EXOC5: variants seen among roughly 807,000 people sequenced by gnomAD.
EXOC5 encodes exocyst complex component 5, also known as SEC10-like 1.
EXOC5 carries 17 observed loss-of-function variants against 90.8 expected under a neutral mutation model. That is an observed-to-expected ratio of 0.19 (90% CI 0.13 to 0.28). The LOEUF is 0.28. Ranked by LOEUF, EXOC5 falls within the 10% of genes least tolerant of loss-of-function variation. The pLI is 1.00. For missense variants in EXOC5, 569 were observed against 830.6 expected (o/e 0.69, Z 3.87); for synonymous variants, 260 against 270.0 (o/e 0.96, Z 0.36).
rs1054834683 is a variant in EXOC5 at position 57,205,106 on chromosome 14, T to G, written c.*3503A>C. The G allele has an allele frequency of 2.0e-5, 3 of 152,036 alleles. No individual in the cohort carries two copies. The highest frequency in any genetic ancestry group is 2.0e-4 in the Admixed American group (3 of 15,252). 9.4% of individuals were successfully genotyped at this position (152,036 alleles called of 1,614,324 possible). ...AATAATAGTACCCAAATCCTAGGGT[T>G]GCTCTAGAATCCAATAATATGTGCA... is the stretch of plus-strand genomic sequence containing the variant. On this transcript the variant is annotated 3_prime_UTR_variant, in exon 18 of 18. Coordinates refer to ENST00000621441, the MANE Select transcript of EXOC5 (RefSeq NM_006544.4).
chr14:57,223,770 T>C (rs922710439), intron 12 of EXOC5, among the ~76,000 whole-genome samples: 1 of 152,070 alleles, frequency 6.6e-6, no homozygotes, highest in South Asian at 2.1e-4. Flanking sequence ...TATATATTTT[T>C]TTCAAGTGCA....
At chr14:57,220,139 G>A (rs1467476326) in intron 13 of EXOC5, among the ~76,000 whole-genome samples, 1 of 151,882 alleles carries the variant, frequency 6.6e-6, no homozygotes, top group Admixed American at 6.6e-5. Context: ...TTGACACATA[G>A]AGTTCTTTTT....
intron 3 of EXOC5, among the ~76,000 whole-genome samples, chr14:57,245,702 T>C (rs1884012653): frequency 6.6e-6 from 1 of 152,054 alleles, no homozygotes; most frequent in Non-Finnish European, 1.5e-5. Context: ...TCCCTAACAC[T>C]AAAGAACTAA....
At position 57,268,757 on chromosome 14, in the gene EXOC5, C is replaced by T. The variant is rs1049414321; in HGVS notation, c.-109G>A. ...CCGCTCGGCTCGCCAGCTCCGGCTC[C>T]GGGCCGCTGCGGGCTCCCCAGCTCC... On this transcript the variant is annotated 5_prime_UTR_variant, in exon 1 of 18. Coordinates refer to ENST00000621441, the MANE Select transcript of EXOC5 (RefSeq NM_006544.4). 32 of 1,463,710 alleles carry T rather than the reference C, an allele frequency of 2.2e-5. No homozygotes were observed. The African/African-American group carries it at 2.8e-4, about 13-fold the overall frequency. 90.7% of individuals were successfully genotyped at this position (1,463,710 alleles called of 1,614,324 possible).
At chr14:57,220,588 C>G (rs1219730762) in intron 13 of EXOC5, among the ~76,000 whole-genome samples, 2 of 151,900 alleles carry the variant, frequency 1.3e-5, no homozygotes, top group South Asian at 2.1e-4. Flanking sequence ...TCGCTTGGAG[C>G]CAAGAGTTCA....
chr14:57,259,007 T>G (rs1884424906), intron 1 of EXOC5, among the ~76,000 whole-genome samples: 1 of 152,188 alleles, frequency 6.6e-6, no homozygotes, highest in South Asian at 2.1e-4. Context: ...TTTCCTTAAA[T>G]TTATTATGGA....
In EXOC5 at chr14:57,207,641, TAA is replaced by T. The variant is rs1882698314; in HGVS notation, c.*966_*967del. 1 of 152,082 alleles carries T rather than the reference TAA, an allele frequency of 6.6e-6. No individual in the cohort carries two copies. Among genetic ancestry groups the T allele is most frequent in the African/African-American group, 2.4e-5 (1 of 41,440 alleles). The allele number at this position is 152,082 out of a possible 1,614,324, so 9.4% of individuals were successfully genotyped here. On this transcript the variant is annotated 3_prime_UTR_variant, in exon 18 of 18. Coordinates refer to ENST00000621441, the MANE Select transcript of EXOC5 (RefSeq NM_006544.4). ...TATCAATTCTCAATTCTTCTTAAAA[TAA>T]AAGACTAACCACATGTTCAGCCATT...
At chr14:57,256,562 T>C (rs1884354895) in intron 1 of EXOC5, among the ~76,000 whole-genome samples, 1 of 152,120 alleles carries the variant, frequency 6.6e-6, no homozygotes, top group Non-Finnish European at 1.5e-5. Context: ...CAAATGTATA[T>C]GAAGAAGTAA....
At position 57,244,354 on chromosome 14, in the gene EXOC5, G is replaced by A; in HGVS notation, c.276C>T (p.Ala92=). 1 of 1,612,170 alleles carries A rather than the reference G, an allele frequency of 6.2e-7. No individual in the cohort carries two copies. The highest frequency in any genetic ancestry group is 8.5e-7 in the Non-Finnish European group (1 of 1,178,768). Residue 92 remains alanine, a synonymous_variant, in exon 4 of 18, where the codon GCC becomes GCT. Transcript: ENST00000621441. ...VQELQKSNQV[A]FQHFQELDEH... is the part of the protein sequence containing the mutation. ...CATCTAGTTCTTGGAAATGTTGGAAGGCAACCTAGGAAAAATGTGCATAAG... is the reference window on the plus strand; with the variant it reads ...CATCTAGTTCTTGGAAATGTTGGAAAGCAACCTAGGAAAAATGTGCATAAG...
intron 1 of EXOC5, among the ~76,000 whole-genome samples, chr14:57,265,132 C>G (rs1196955156): frequency 2.0e-5 from 3 of 151,244 alleles, no homozygotes; most frequent in Non-Finnish European, 2.9e-5. Context: ...GTCACTGAAC[C>G]CTTTTTTTTT....
At chr14:57,262,452 T>A (rs1248148520) in intron 1 of EXOC5, among the ~76,000 whole-genome samples, 1 of 151,880 alleles carries the variant, frequency 6.6e-6, no homozygotes, top group East Asian at 1.9e-4. Context: ...CTGTGATCTC[T>A]TTCTGAGTTA....
chr14:57,228,376 A>G (rs1883375943), intron 12 of EXOC5, among the ~76,000 whole-genome samples: 2 of 152,210 alleles, frequency 1.3e-5, no homozygotes, highest in Non-Finnish European at 2.9e-5. Flanking sequence ...AGGATTACAA[A>G]TCATTCTACT....
chr14:57,251,515 CAT>C (rs368038842), intron 1 of EXOC5, among the ~76,000 whole-genome samples: 1 of 152,148 alleles, frequency 6.6e-6, no homozygotes, highest in East Asian at 1.9e-4. Context: ...CATACAAAAA[CAT>C]AGGACACAGT....
rs1157809638 is a variant in EXOC5 at position 57,202,798 on chromosome 14, G to T, written c.*5811C>A. On this transcript the variant is annotated 3_prime_UTR_variant, in exon 18 of 18. Coordinates refer to ENST00000621441, the MANE Select transcript of EXOC5 (RefSeq NM_006544.4). ...CACATGCACACACACACATAATTGGGATAGCAAAATGTTCATAGATGCTGT... is the reference window on the plus strand; with the variant it reads ...CACATGCACACACACACATAATTGGTATAGCAAAATGTTCATAGATGCTGT... 1 of 152,124 alleles carries T rather than the reference G, an allele frequency of 6.6e-6. No individual in the cohort carries two copies. Among genetic ancestry groups the T allele is most frequent in the Non-Finnish European group, 1.5e-5 (1 of 68,008 alleles). 9.4% of individuals were successfully genotyped at this position (152,124 alleles called of 1,614,324 possible).
chr14:57,215,208 G>A (rs867162554), intron 15 of EXOC5, among the ~76,000 whole-genome samples: 8 of 151,862 alleles, frequency 5.3e-5, no homozygotes, highest in African/African-American at 1.5e-4. Flanking sequence ...CTCCAGCCTG[G>A]GCAACAGAGG....
At chr14:57,261,259 T>C (rs1464583718) in intron 1 of EXOC5, among the ~76,000 whole-genome samples, 1 of 152,216 alleles carries the variant, frequency 6.6e-6, no homozygotes, top group Non-Finnish European at 1.5e-5. Context: ...TCAATCACTC[T>C]TTCAAATCTC....
chr14:57,213,655 C>T (rs1255004151), intron 15 of EXOC5, among the ~76,000 whole-genome samples: 3 of 151,714 alleles, frequency 2.0e-5, no homozygotes, highest in Non-Finnish European at 4.4e-5. Context: ...CTGTGCCTGG[C>T]CACAAAAAAA....
At position 57,232,659 on chromosome 14, in the gene EXOC5, A is replaced by T; in HGVS notation, c.938+8T>A. The stretch of plus-strand genomic sequence containing the variant: ...TTATCTATTATTTTCTAATCATTAA[A>T]AATTTACCTTGTATACAGATCATAG... On this transcript the variant is annotated splice_region_variant and intron_variant, in intron 10 of 17. Transcript: ENST00000621441. The T allele has an allele frequency of 1.6e-6, 2 of 1,244,836 alleles. No homozygotes were observed. The highest frequency in any genetic ancestry group is 2.3e-6 in the Non-Finnish European group (2 of 887,302). 77.1% of individuals were successfully genotyped at this position (1,244,836 alleles called of 1,614,324 possible).
rs117870712 is a variant in EXOC5, at chr14:57,206,183, G to A, written c.*2426C>T. 6.6e-6 allele frequency: 2 copies of A among 302,952 alleles called. No homozygotes were observed. The highest frequency in any genetic ancestry group is 6.0e-5 in the South Asian group (2 of 33,532). The allele number at this position is 302,952 out of a possible 1,614,324, so 18.8% of individuals were successfully genotyped here. On this transcript the variant is annotated 3_prime_UTR_variant, in exon 18 of 18. Transcript: ENST00000621441. ...GTAATACTGCAAAGACCGTACTTACGTAAATGTTGGTTAAAGTTACCAATT... is the reference window on the plus strand; with the variant it reads ...GTAATACTGCAAAGACCGTACTTACATAAATGTTGGTTAAAGTTACCAATT...
Sources: gnomAD v4.1 joint callset for allele counts (sites outside exome capture counted in the v4.1 genomes callset) on GRCh38, gnomAD v4.1.1 for gene constraint, MANE v1.5 for transcripts, NCBI Gene and HGNC (gene_info 2026-07-23, HGNC 2026-07-21) for gene names.